The following DNAJC24 variants were observed in gnomAD, a reference collection of about 807,000 sequenced individuals.
The protein encoded by DNAJC24 is DnaJ heat shock protein family (Hsp40) member C24, also known as dnaJ homolog subfamily C member 24.
DNAJC24 carries 17 observed loss-of-function variants against 18.0 expected under a neutral mutation model. The ratio of observed to expected loss-of-function variants is 0.94; its 90% confidence interval spans 0.65 to 1.42. DNAJC24 has a LOEUF of 1.42. DNAJC24 is among the 40% of genes most tolerant of loss of function. The pLI is 0.00. For missense variants in DNAJC24, 158 were observed against 175.6 expected, an observed-to-expected ratio of 0.90 and a Z score of 0.57; for synonymous variants, 55 against 57.7, an observed-to-expected ratio of 0.95 and a Z score of 0.21.
In DNAJC24 at chr11:31,402,653, C is replaced by T. The variant is rs182349982; in HGVS notation, c.112-12158C>T. On this transcript the variant is annotated intron_variant, in intron 2 of 4. Transcript: ENST00000465995. ...CCTCTTGGGTAGCTAGGACTGCAGA[C>T]GTGTGCCACCATGCCTAGCTAATCT... Among the ~76,000 whole-genome samples the T allele has an allele frequency of 7.9e-5, 12 of 152,228 alleles. No homozygotes were observed. The East Asian group carries it at 2.1e-3, about 27-fold the overall frequency.
intron 2 of DNAJC24, among the ~76,000 whole-genome samples, chr11:31,377,768 C>T (rs1952332756): frequency 6.6e-6 from 1 of 151,954 alleles, no homozygotes; most frequent in Non-Finnish European, 1.5e-5. Context: ...CCCACTGATC[C>T]TGATAATATT....
rs1310048967 is a variant in DNAJC24, at chr11:31,431,389, G to A, written c.*988G>A. The stretch of plus-strand genomic sequence containing the variant: ...TGGTCTTGAACTCCTGGCCTCAAAT[G>A]ATCCGCCCACCTCAACCTCCCAAAG... On this transcript the variant is annotated 3_prime_UTR_variant, in exon 5 of 5. Coordinates refer to ENST00000465995, the MANE Select transcript of DNAJC24 (RefSeq NM_181706.5). 6.6e-6 allele frequency: 1 copy of A among 151,486 alleles called. No individual in the cohort carries two copies. Among genetic ancestry groups the A allele is most frequent in the African/African-American group, 2.4e-5 (1 of 41,272 alleles). 9.4% of individuals were successfully genotyped at this position (151,486 alleles called of 1,614,324 possible). A position where few individuals can be genotyped will look rare whatever the true frequency, so the allele number is the denominator to read the frequency against.
At chr11:31,370,639 AT>A (rs958912509) in intron 1 of DNAJC24, 76 bp from the exon 2 acceptor site, 2 of 593,930 alleles carry the variant, frequency 3.4e-6, no homozygotes, top group African/African-American at 3.8e-5. Flanking sequence ...ATACTAAAGA[AT>A]TTACAAGGGC....
intron 2 of DNAJC24, among the ~76,000 whole-genome samples, chr11:31,413,137 G>A (rs1465994441): frequency 6.6e-6 from 1 of 151,824 alleles, no homozygotes; most frequent in Non-Finnish European, 1.5e-5. Flanking sequence ...ATTAATTGAG[G>A]AATGTATGAA....
chr11:31,393,864 A>C (rs1341468636), intron 2 of DNAJC24, among the ~76,000 whole-genome samples: 1 of 152,162 alleles, frequency 6.6e-6, no homozygotes, highest in African/African-American at 2.4e-5. Flanking sequence ...ATGTTCTTCA[A>C]AGTTGCCACA....
rs1474432159 is a variant in DNAJC24, at chr11:31,432,506, A to C, written c.*2105A>C. 1 of 1,609,724 alleles carries C rather than the reference A, an allele frequency of 6.2e-7. No individual in the cohort carries two copies. Among genetic ancestry groups the C allele is most frequent in the African/African-American group, 1.3e-5 (1 of 74,956 alleles). On this transcript the variant is annotated 3_prime_UTR_variant, in exon 5 of 5. Coordinates refer to ENST00000465995, the MANE Select transcript of DNAJC24 (RefSeq NM_181706.5). ...TCAAAAGAATAAATGCTTACTAATC[A>C]TCAGAAAATCTGTGGCCATTAGGGC...
At chr11:31,401,730 G>A (rs1340962168) in intron 2 of DNAJC24, among the ~76,000 whole-genome samples, 1 of 152,154 alleles carries the variant, frequency 6.6e-6, no homozygotes, top group Non-Finnish European at 1.5e-5. Context: ...GGCTCTTCTG[G>A]AGAATGGAGG....
intron 3 of DNAJC24, among the ~76,000 whole-genome samples, chr11:31,418,734 C>G (rs1952775697): frequency 6.6e-6 from 1 of 151,978 alleles, no homozygotes; most frequent in Admixed American, 6.6e-5. Flanking sequence ...GAGGTTGGGC[C>G]AGATACTGTA....
At chr11:31,382,227 G>A (rs1390947836) in intron 2 of DNAJC24, among the ~76,000 whole-genome samples, 2 of 152,254 alleles carry the variant, frequency 1.3e-5, no homozygotes, top group East Asian at 3.9e-4. Context: ...AAAAGTCATG[G>A]CTTTGGGCCT....
At chr11:31,424,766 A>G (rs1402548854) in intron 3 of DNAJC24, among the ~76,000 whole-genome samples, 2 of 152,172 alleles carry the variant, frequency 1.3e-5, no homozygotes, top group East Asian at 3.9e-4. Context: ...TGAGTTCACA[A>G]TATTGTATAA....
At chr11:31,426,477 T>C in intron 4 of DNAJC24, 122 bp downstream of exon 4, 1 of 562,478 alleles carries the variant, frequency 1.8e-6, no homozygotes. Flanking sequence ...TCTATATATA[T>C]GTGGTAAGTG....
At chr11:31,393,134 C>T (rs906360147) in intron 2 of DNAJC24, among the ~76,000 whole-genome samples, 8 of 152,240 alleles carry the variant, frequency 5.3e-5, no homozygotes, top group African/African-American at 1.2e-4. Context: ...CTTCTATGCC[C>T]GAATACAGCA....
intron 2 of DNAJC24, among the ~76,000 whole-genome samples, chr11:31,379,323 G>A (rs1952351336): frequency 1.3e-5 from 2 of 152,096 alleles, no homozygotes; most frequent in Admixed American, 1.3e-4. Context: ...AGGGATGTAG[G>A]TCGCACATTC....
intron 2 of DNAJC24, among the ~76,000 whole-genome samples, chr11:31,414,580 G>A (rs966322157): frequency 5.3e-5 from 8 of 152,254 alleles, no homozygotes; most frequent in Middle Eastern, 3.4e-3. Flanking sequence ...AGAAAATGCT[G>A]TCTTTGCACG....
intron 2 of DNAJC24, among the ~76,000 whole-genome samples, chr11:31,388,706 A>T (rs1213169628): frequency 6.6e-6 from 1 of 152,224 alleles, no homozygotes; most frequent in African/African-American, 2.4e-5. Context: ...ATAAGTACAC[A>T]GAAAAACTCA....
Position 31,430,215 on chromosome 11 carries a change from A to T in DNAJC24, c.320-56A>T, listed in dbSNP as rs1952905881. ...AATAAACTCTGCACCTTTTAAGGGT[A>T]TTAGTGAGGTAGTTACTTACAAGTC... On this transcript the variant is annotated intron_variant, in intron 4 of 4. Transcript: ENST00000465995. 6.7e-6 allele frequency: 10 copies of T among 1,489,920 alleles called. No individual in the cohort carries two copies. In the South Asian group the frequency reaches 1.2e-4, roughly 17 times the overall value. 92.3% of individuals were successfully genotyped at this position (1,489,920 alleles called of 1,614,324 possible).
intron 2 of DNAJC24, among the ~76,000 whole-genome samples, chr11:31,403,270 G>C (rs1184365027): frequency 6.6e-6 from 1 of 152,048 alleles, no homozygotes; most frequent in Non-Finnish European, 1.5e-5. Context: ...GTTACATCAA[G>C]ATTTGTAGTG....
chr11:31,399,070 G>A (rs1952572585), intron 2 of DNAJC24, among the ~76,000 whole-genome samples: 1 of 152,082 alleles, frequency 6.6e-6, no homozygotes, highest in Non-Finnish European at 1.5e-5. Context: ...GATTTGCTTT[G>A]GGGGAGTGGA....
intron 2 of DNAJC24, among the ~76,000 whole-genome samples, chr11:31,375,440 G>T (rs887058069): frequency 7.4e-6 from 1 of 135,364 alleles, no homozygotes. Flanking sequence ...TAGGTGGACT[G>T]TAATAAAAGG....
Sources: allele counts gnomAD v4.1 joint callset (sites outside exome capture counted in the v4.1 genomes callset), GRCh38; gene constraint gnomAD v4.1.1; transcripts MANE v1.5; gene names NCBI Gene and HGNC (gene_info 2026-07-23, HGNC 2026-07-21).